PRRC2B: variants seen among roughly 807,000 people sequenced by gnomAD.
PRRC2B encodes the protein proline rich coiled-coil 2B.
A neutral mutation model predicts 242.3 loss-of-function variants in PRRC2B; 68 were observed. The observed-to-expected ratio is 0.28, with a 90% CI of 0.23 to 0.34. The LOEUF (loss-of-function observed/expected upper bound fraction) is 0.34. PRRC2B is among the 10% of genes least tolerant of loss of function. PRRC2B has a pLI of 1.00. For synonymous variants in PRRC2B, 1,228 were observed against 1,173.6 expected (o/e 1.05, Z -0.95); for missense variants, 2,835 against 2,954.8 (o/e 0.96, Z 0.94).
chr9:131,409,334 C>G (rs1207733765), intron 1 of PRRC2B, among the ~76,000 whole-genome samples: 1 of 151,812 alleles, frequency 6.6e-6, no homozygotes, highest in African/African-American at 2.4e-5. Context: ...TGCCTGCCAC[C>G]ACGCCTGGCT....
chr9:131,381,550 T>C (rs2478854), intron 1 of PRRC2B, among the ~76,000 whole-genome samples: 108,941 of 149,924 alleles, frequency 0.73, 39,646 homozygotes, highest in South Asian at 0.88. Context: ...TCCTGAGTAG[T>C]TGGGACTACA....
At chr9:131,420,509 T>TCTTTCTTTTCTTTCTTTCTTTC (rs1299551586) in intron 1 of PRRC2B, among the ~76,000 whole-genome samples, 2 of 38,606 alleles carry the variant, frequency 5.2e-5, no homozygotes, top group African/African-American at 1.5e-4. Context: ...TTTTTTTTTT[T>TCTTTCTTTTCTTTCTTTCTTTC]TGAGATGGAG....
chr9:131,441,717 G>A (rs1477419709), intron 5 of PRRC2B, among the ~76,000 whole-genome samples: 1 of 152,122 alleles, frequency 6.6e-6, no homozygotes, highest in African/African-American at 2.4e-5. Context: ...GTGTTTTCAT[G>A]ACTCTTTGGA....
intron 11 of PRRC2B, among the ~76,000 whole-genome samples, chr9:131,463,239 T>G (rs1336743694): frequency 6.6e-6 from 1 of 152,212 alleles, no homozygotes; most frequent in Non-Finnish European, 1.5e-5. Flanking sequence ...TATAATCTTA[T>G]GATTACAGTA....
intron 2 of PRRC2B, among the ~76,000 whole-genome samples, chr9:131,431,930 TATTTAGAGACTGGGTTA>T (rs1838187723): frequency 6.6e-6 from 1 of 151,912 alleles, no homozygotes; most frequent in Non-Finnish European, 1.5e-5. Context: ...TTTATTTATT[TATTTAGAGACTGGGTTA>T]TGAGACTGGC....
chr9:131,495,968 C>T lies in PRRC2B; in HGVS notation c.*94C>T. ...ACACTCGGGAGCCTCACCAGATCCACCGTCCAAATGCGTGGCCCAGACTGA... is the reference window on the plus strand; with the variant it reads ...ACACTCGGGAGCCTCACCAGATCCATCGTCCAAATGCGTGGCCCAGACTGA... On this transcript the variant is annotated 3_prime_UTR_variant, in exon 32 of 32. Transcript: ENST00000683519. 6.5e-7 allele frequency: 1 copy of T among 1,527,408 alleles called. No individual in the cohort carries two copies. The allele number at this position is 1,527,408 out of a possible 1,614,324, so 94.6% of individuals were successfully genotyped here. A position where few individuals can be genotyped will look rare whatever the true frequency, so the allele number is the denominator to read the frequency against.
At position 131,475,864 on chromosome 9, in the gene PRRC2B, C is replaced by T. The variant is rs770584731; in HGVS notation, c.3735C>T (p.Cys1245=). The change falls in exon 16 of 32, where the codon TGC becomes TGT. Residue 1245 remains cysteine (C), a synonymous_variant. Transcript: ENST00000683519. ...AGGAATATGGCCCTTCCGACACATGCGGATCCCGGCGACCTACAGACAGAG... is the reference window on the plus strand; with the variant it reads ...AGGAATATGGCCCTTCCGACACATGTGGATCCCGGCGACCTACAGACAGAG... ...SWQEYGPSDT[C]GSRRPTDRDY... is the part of the protein sequence containing the mutation. The T allele has an allele frequency of 4.0e-5, 65 of 1,613,540 alleles. No individual in the cohort carries two copies. The highest frequency in any genetic ancestry group is 1.6e-4 in the Middle Eastern group (1 of 6,084).
chr9:131,378,378 C>T (rs564865504), intron 1 of PRRC2B, among the ~76,000 whole-genome samples: 3 of 151,184 alleles, frequency 2.0e-5, no homozygotes, highest in African/African-American at 7.3e-5. Flanking sequence ...TCCTATGCCA[C>T]AGGTCTCTAG....
At chr9:131,438,385 A>G (rs1213374742) in intron 4 of PRRC2B, among the ~76,000 whole-genome samples, 1 of 152,070 alleles carries the variant, frequency 6.6e-6, no homozygotes, top group Non-Finnish European at 1.5e-5. Flanking sequence ...GGTGGTGAGC[A>G]TTCAGTCAGG....
chr9:131,490,426 C>G, intron 28 of PRRC2B: 2 of 518,644 alleles, frequency 3.9e-6, no homozygotes, highest in Non-Finnish European at 7.7e-6. Flanking sequence ...CATTTTCATC[C>G]TGCACCATTT....
intron 5 of PRRC2B, among the ~76,000 whole-genome samples, chr9:131,441,156 G>T (rs1266538007): frequency 6.6e-6 from 1 of 152,118 alleles, no homozygotes; most frequent in African/African-American, 2.4e-5. Flanking sequence ...AAAAAATGTT[G>T]TATATGCATG....
chr9:131,470,833 C>T lies in PRRC2B; in HGVS notation c.1957C>T (p.Pro653Ser), dbSNP rs371001059. Residue 653 changes from proline to serine, a missense_variant, in exon 14 of 32, where the codon CCG becomes TCG. Pro to Ser is a moderately conservative substitution (Grantham distance 74). Coordinates refer to ENST00000683519, the MANE Select transcript of PRRC2B (RefSeq NM_013318.4). ...MQHWQPVYPP[P>S]SHPQRTFYPH... Reference sequence around the variant, plus strand: ...GCACTGGCAGCCGGTGTACCCCCCGCCGTCCCACCCCCAGCGCACCTTTTA... The same window carrying T: ...GCACTGGCAGCCGGTGTACCCCCCGTCGTCCCACCCCCAGCGCACCTTTTA... 5 of 1,611,916 alleles carry T rather than the reference C, an allele frequency of 3.1e-6. No individual in the cohort carries two copies. The highest frequency in any genetic ancestry group is 1.7e-4 in the Middle Eastern group (1 of 6,040).
intron 1 of PRRC2B, among the ~76,000 whole-genome samples, chr9:131,394,628 G>T (rs1836991673): frequency 2.0e-5 from 3 of 151,278 alleles, no homozygotes; most frequent in South Asian, 4.1e-4. Flanking sequence ...AGGGGCGGGG[G>T]TCCCGGGCCC....
At chr9:131,448,676 C>T (rs1209663828) in intron 9 of PRRC2B, among the ~76,000 whole-genome samples, 1 of 151,708 alleles carries the variant, frequency 6.6e-6, no homozygotes. Context: ...CTTCCTCAGC[C>T]TCCGGAGTAG....
chr9:131,393,306 T>TC (rs1461018117), upstream of PRRC2B, among the ~76,000 whole-genome samples: 1 of 152,166 alleles, frequency 6.6e-6, no homozygotes, highest in East Asian at 1.9e-4. Context: ...CCCTAACATT[T>TC]TTTTTTTGTA....
intron 1 of PRRC2B, among the ~76,000 whole-genome samples, chr9:131,380,615 C>T (rs973268109): frequency 1.3e-5 from 2 of 151,316 alleles, no homozygotes; most frequent in African/African-American, 2.4e-5. Context: ...CGCAGTGGCT[C>T]ATGCCTGTAA....
At chr9:131,451,822 G>T (rs1047639616) in intron 9 of PRRC2B, among the ~76,000 whole-genome samples, 3 of 151,864 alleles carry the variant, frequency 2.0e-5, no homozygotes, top group African/African-American at 7.3e-5. Flanking sequence ...TCCTACATCT[G>T]TGTTCATATT....
chr9:131,446,690 G>A lies in PRRC2B; in HGVS notation c.855+48G>A, dbSNP rs757410207. The A allele has an allele frequency of 1.9e-6, 3 of 1,602,562 alleles. No homozygotes were observed. The highest frequency in any genetic ancestry group is 2.2e-5 in the South Asian group (2 of 89,544). Reference sequence around the variant, plus strand: ...TTTTCCCCCCATGAAGTTGGATTGTGTCCAGCAGATAGGTCAAGTGGTTGA... The same window carrying A: ...TTTTCCCCCCATGAAGTTGGATTGTATCCAGCAGATAGGTCAAGTGGTTGA... On this transcript the variant is annotated intron_variant, in intron 7 of 31. Coordinates refer to ENST00000683519, the MANE Select transcript of PRRC2B (RefSeq NM_013318.4). The surrounding 1 kb of genome is among the most constrained non-coding windows in gnomAD (Gnocchi z 4.1).
At chr9:131,404,138 A>G (rs1187936551) in intron 1 of PRRC2B, among the ~76,000 whole-genome samples, 1 of 151,724 alleles carries the variant, frequency 6.6e-6, no homozygotes, top group Non-Finnish European at 1.5e-5. Flanking sequence ...AAATAATGTT[A>G]GGTTTCTAAA....
Sources: gnomAD v4.1 joint callset for allele counts (sites outside exome capture counted in the v4.1 genomes callset) on GRCh38, gnomAD v4.1.1 for gene constraint, Gnocchi (gnomAD v3.1) non-coding constraint, MANE v1.5 for transcripts, NCBI Gene and HGNC (gene_info 2026-07-23, HGNC 2026-07-21) for gene names.